The following SUPT7L variants were observed in gnomAD, a reference collection of about 807,000 sequenced individuals.
SUPT7L encodes the protein STAGA complex 65 subunit gamma.
SUPT7L carries 15 observed loss-of-function variants against 35.7 expected under a neutral mutation model. The ratio of observed to expected loss-of-function variants is 0.42; its 90% CI spans 0.28 to 0.65. SUPT7L has a LOEUF of 0.65. Ranked by LOEUF, SUPT7L falls within the 30% of genes least tolerant of loss-of-function variation. SUPT7L has a pLI of 0.23. For missense variants in SUPT7L, 434 were observed against 522.2 expected (o/e 0.83, Z 1.65); for synonymous variants, 168 against 186.2 (o/e 0.90, Z 0.79).
chr2:27,649,928 A>G (rs571449414), downstream of SUPT7L, among the ~76,000 whole-genome samples: 17 of 152,274 alleles, frequency 1.1e-4, no homozygotes, highest in South Asian at 1.2e-3. Context: ...TATTCTTTCT[A>G]CTTATAAAGA....
chr2:27,654,628 G>A (rs1348405785), intron 5 of SUPT7L, among the ~76,000 whole-genome samples: 1 of 152,014 alleles, frequency 6.6e-6, no homozygotes, highest in Non-Finnish European at 1.5e-5. Flanking sequence ...GTGCAGTGGT[G>A]CAATCTCGGC....
chr2:27,647,697 A>T, downstream of SUPT7L: 1 of 597,200 alleles, frequency 1.7e-6, no homozygotes, highest in Non-Finnish European at 3.0e-6. Flanking sequence ...GGTATTAACA[A>T]TACATTTAGA....
the SUPT7L span, among the ~76,000 whole-genome samples, chr2:27,645,046 C>G: frequency 1.3e-5 from 2 of 152,104 alleles, no homozygotes; most frequent in African/African-American, 4.8e-5. Flanking sequence ...TAGCTCCCTG[C>G]AGCCTCGAAC....
rs1674513623 is a variant in SUPT7L, at chr2:27,651,041, C to T, written c.*2444G>A. The T allele has an allele frequency of 6.6e-6, 1 of 152,366 alleles. No homozygotes were observed. Among genetic ancestry groups the T allele is most frequent in the South Asian group, 2.1e-4 (1 of 4,834 alleles). The allele number at this position is 152,366 out of a possible 1,614,324, so 9.4% of individuals were successfully genotyped here. A position where few individuals can be genotyped will look rare whatever the true frequency, so the allele number is the denominator to read the frequency against. ...AGCTAGGCCCAGTTTGTATTGTACT[C>T]TGAACTTAATGCAAAGTCTCCTTGG... On this transcript the variant is annotated 3_prime_UTR_variant, in exon 6 of 6. Transcript: ENST00000337768.
At chr2:27,648,398 A>C (rs1449799091), downstream of SUPT7L, among the ~76,000 whole-genome samples, 1 of 152,134 alleles carries the variant, frequency 6.6e-6, no homozygotes, top group Non-Finnish European at 1.5e-5. Flanking sequence ...TCACACCTGT[A>C]GTTCAAGCTG....
chr2:27,663,320 T>C lies in SUPT7L; in HGVS notation c.-90+9A>G. The C allele has an allele frequency of 6.0e-6, 1 of 167,416 alleles. No individual in the cohort carries two copies. Among genetic ancestry groups the C allele is most frequent in the Non-Finnish European group, 1.3e-5 (1 of 76,142 alleles). The allele number at this position is 167,416 out of a possible 1,614,324, so 10.4% of individuals were successfully genotyped here. On this transcript the variant is annotated intron_variant, in intron 1 of 5. Transcript: ENST00000337768. Reference sequence around the variant, plus strand: ...ATAACAAAAAAGTCGCCCTCTTCCCTTACTTTACCGAAAGGAGCACGAAGA... The same window carrying C: ...ATAACAAAAAAGTCGCCCTCTTCCCCTACTTTACCGAAAGGAGCACGAAGA...
chr2:27,655,350 GTTTA>G lies in SUPT7L; in HGVS notation c.982+11_982+14del, dbSNP rs771319518. Reference sequence around the variant, plus strand: ...GATCTCCCAGAATCAAAGTGAGTAAGTTTATTTGTCTTACTTGAAGCCTGTGGTG... The same window carrying G: ...GATCTCCCAGAATCAAAGTGAGTAAGTTTGTCTTACTTGAAGCCTGTGGTG... On this transcript the variant is annotated intron_variant, in intron 5 of 5. Coordinates refer to ENST00000337768, the MANE Select transcript of SUPT7L (RefSeq NM_014860.3). The G allele has an allele frequency of 3.3e-6, 5 of 1,526,442 alleles. No homozygotes were observed. In the East Asian group the frequency reaches 6.9e-5, roughly 21 times the overall value. 94.6% of individuals were successfully genotyped at this position (1,526,442 alleles called of 1,614,324 possible). A position where few individuals can be genotyped will look rare whatever the true frequency, so the allele number is the denominator to read the frequency against.
Position 27,657,347 on chromosome 2 carries a change from G to A in SUPT7L, c.742C>T (p.Gln248Ter). 6.2e-7 allele frequency: 1 copy of A among 1,613,468 alleles called. No homozygotes were observed. Among genetic ancestry groups the A allele is most frequent in the Non-Finnish European group, 8.5e-7 (1 of 1,179,464 alleles). Reference protein sequence around the residue: ...RIKDYHSYMLQISKQLSEEYE... With the variant: ...RIKDYHSYML ...ACTTTTCAACAGGGTCGCCTCACCT[G>A]TAGCATGTAACTGTGATAGTCCTTG... Residue 248 changes from glutamine to a stop codon, truncating the protein, a stop_gained and splice_region_variant, in exon 4 of 6, where the codon CAG (glutamine) becomes TAG (stop). Coordinates refer to ENST00000337768, the MANE Select transcript of SUPT7L (RefSeq NM_014860.3). LOFTEE classifies it high-confidence loss of function. The surrounding 1 kb of genome is among the most constrained non-coding windows in gnomAD (Gnocchi z 5.2).
downstream of SUPT7L, chr2:27,647,887 C>T (rs1282362502): frequency 6.2e-6 from 10 of 1,613,812 alleles, no homozygotes; most frequent in Non-Finnish European, 8.5e-6. Flanking sequence ...ACTCGAGGAA[C>T]CTTGGATGAA....
At chr2:27,647,820 G>C, downstream of SUPT7L, 1 of 1,464,734 alleles carries the variant, frequency 6.8e-7, no homozygotes, top group Non-Finnish European at 9.6e-7. Context: ...ATCACTGATA[G>C]GTGTTTTCAC....
chr2:27,644,763 G>C, the SUPT7L span, among the ~76,000 whole-genome samples: 2 of 136,756 alleles, frequency 1.5e-5, no homozygotes, highest in Admixed American at 7.6e-5. Flanking sequence ...GTCTGAGGCT[G>C]GTCTGGACCT....
chr2:27,651,748 A>C lies in SUPT7L; in HGVS notation c.*1737T>G, dbSNP rs888664664. ...GCACAGGACCTAGCAAATAATTGGT[A>C]CTCAATGTTTGCTGGATGAATGAAC... On this transcript the variant is annotated 3_prime_UTR_variant, in exon 6 of 6. Transcript: ENST00000337768. 2.0e-5 allele frequency: 3 copies of C among 152,240 alleles called. No individual in the cohort carries two copies. The highest frequency in any genetic ancestry group is 7.2e-5 in the African/African-American group (3 of 41,464). 9.4% of individuals were successfully genotyped at this position (152,240 alleles called of 1,614,324 possible). A position where few individuals can be genotyped will look rare whatever the true frequency, so the allele number is the denominator to read the frequency against.
At position 27,653,218 on chromosome 2, in the gene SUPT7L, A is replaced by G. The variant is rs773406760; in HGVS notation, c.*267T>C. On this transcript the variant is annotated 3_prime_UTR_variant, in exon 6 of 6. Coordinates refer to ENST00000337768, the MANE Select transcript of SUPT7L (RefSeq NM_014860.3). ...AACATGTCTAGTCATAGTTAAGACA[A>G]CAATTGGGGACAGTGCTTTGGTCTG... 2 of 465,876 alleles carry G rather than the reference A, an allele frequency of 4.3e-6. No individual in the cohort carries two copies. Among genetic ancestry groups the G allele is most frequent in the Non-Finnish European group, 7.8e-6 (2 of 256,960 alleles). 28.9% of individuals were successfully genotyped at this position (465,876 alleles called of 1,614,324 possible).
Position 27,657,726 on chromosome 2 carries a change from TG to T in SUPT7L, c.420-58del, listed in dbSNP as rs112382597. 1,315 of 1,490,790 alleles carry T rather than the reference TG, an allele frequency of 8.8e-4. 9 individuals are homozygous for T. In the African/African-American group the frequency reaches 0.016, roughly 18 times the overall value. The allele number at this position is 1,490,790 out of a possible 1,614,324, so 92.3% of individuals were successfully genotyped here. A position where few individuals can be genotyped will look rare whatever the true frequency, so the allele number is the denominator to read the frequency against. On this transcript the variant is annotated intron_variant, in intron 3 of 5. Transcript: ENST00000337768. The surrounding 1 kb of genome is among the most constrained non-coding windows in gnomAD (Gnocchi z 5.2). ...GTTCTTGCAAAGGGGTGACCCCTCC[TG>T]TCTTCCCCAGGAGTTTTACAATTCC... is the stretch of plus-strand genomic sequence containing the variant.
At chr2:27,642,632 C>T in the SUPT7L span, 19 of 653,876 alleles carry the variant, frequency 2.9e-5, no homozygotes, top group East Asian at 3.4e-4. Context: ...GCTGGAGTCT[C>T]GGCTCACCAC....
In SUPT7L at chr2:27,661,245, A is replaced by G. The variant is rs1675090459; in HGVS notation, c.158T>C (p.Leu53Pro). 4 of 1,613,564 alleles carry G rather than the reference A, an allele frequency of 2.5e-6. No individual in the cohort carries two copies. The highest frequency in any genetic ancestry group is 2.5e-6 in the Non-Finnish European group (3 of 1,179,710). Residue 53 changes from leucine (L) to proline (P), a missense_variant, in exon 3 of 6, where the codon CTG becomes CCG. Physicochemically the swap from Leu to Pro is moderately conservative, Grantham distance 98. Around this residue, in one of 3 missense-constraint regions of SUPT7L, gnomAD observed 77 missense variants for 114.4 expected, o/e 0.67. Coordinates refer to ENST00000337768, the MANE Select transcript of SUPT7L (RefSeq NM_014860.3). ...SANKPKPPTM[L>P]DIPSEPCSLT... ...ACTACATGGCTCTGAGGGGATGTCC[A>G]GCATAGTGGGGGGCTTCGGCTTGTT...
the SUPT7L span, among the ~76,000 whole-genome samples, chr2:27,643,129 T>C: frequency 1.3e-5 from 2 of 151,684 alleles, no homozygotes; most frequent in Admixed American, 1.3e-4. This position sits in a 1 kb window ranked among gnomAD's most constrained non-coding sequence, Gnocchi z 4.0. Context: ...TGATGTGTGC[T>C]GTGGTGGTTT....
At chr2:27,649,345 G>T (rs966582017), downstream of SUPT7L, among the ~76,000 whole-genome samples, 2 of 151,722 alleles carry the variant, frequency 1.3e-5, no homozygotes, top group African/African-American at 2.4e-5. Context: ...TTTAGGCTGG[G>T]TTTTACATGT....
Position 27,653,227 on chromosome 2 carries a change from G to A in SUPT7L, c.*258C>T. ...AGTCATAGTTAAGACAACAATTGGG[G>A]ACAGTGCTTTGGTCTGATTGCCATG... On this transcript the variant is annotated 3_prime_UTR_variant, in exon 6 of 6. Transcript: ENST00000337768. The A allele has an allele frequency of 2.0e-6, 1 of 491,068 alleles. No homozygotes were observed. Among genetic ancestry groups the A allele is most frequent in the Non-Finnish European group, 3.7e-6 (1 of 272,230 alleles). 30.4% of individuals were successfully genotyped at this position (491,068 alleles called of 1,614,324 possible).
Sources: gnomAD v4.1 joint callset for allele counts (sites outside exome capture counted in the v4.1 genomes callset) on GRCh38, gnomAD v4.1.1 for gene constraint, gnomAD v4.1.1 regional missense constraint, Gnocchi (gnomAD v3.1) non-coding constraint, MANE v1.5 for transcripts, NCBI Gene and HGNC (gene_info 2026-07-23, HGNC 2026-07-21) for gene names.